Variants in CASP8 observed in about 807,000 individuals in gnomAD.
The protein encoded by CASP8 is caspase 8.
In CASP8, 24 loss-of-function variants were observed where a neutral mutation model predicts 46.3. The ratio of observed to expected loss-of-function variants is 0.52; its 90% confidence interval spans 0.38 to 0.73. CASP8 has a LOEUF of 0.73. CASP8 is among the 30% of genes least tolerant of loss of function. The pLI, the probability that CASP8 is intolerant of heterozygous loss-of-function variation, is 0.00. For missense variants in CASP8, 460 were observed against 559.0 expected (o/e 0.82, Z 1.79); for synonymous variants, 188 against 200.4 (o/e 0.94, Z 0.52).
chr2:201,282,968 G>T (rs781171499), intron 7 of CASP8, among the ~76,000 whole-genome samples: 1 of 68,308 alleles, frequency 1.5e-5, no homozygotes, highest in Non-Finnish European at 3.7e-5. Flanking sequence ...CCTCCCTCCC[G>T]GACGGGGCGG....
chr2:201,278,540 CT>C (rs768024144), intron 7 of CASP8, among the ~76,000 whole-genome samples: 312 of 143,064 alleles, frequency 2.2e-3, no homozygotes, highest in African/African-American at 2.1e-3. Context: ...TGTATTTTTT[CT>C]TTTTTTTTTT....
intron 2 of CASP8, among the ~76,000 whole-genome samples, chr2:201,270,010 G>T (rs1413600120): frequency 2.0e-5 from 3 of 152,066 alleles, no homozygotes; most frequent in Non-Finnish European, 4.4e-5. Flanking sequence ...TAAGGCAGAT[G>T]GTAATACTGA....
At chr2:201,268,909 TTGTGTGTGTGTGTGTGTGTGTG>T (rs58087434) in intron 2 of CASP8, among the ~76,000 whole-genome samples, 1 of 131,534 alleles carries the variant, frequency 7.6e-6, no homozygotes, top group African/African-American at 2.8e-5. Flanking sequence ...GGCCTCATCT[TTGTGTGTGTGTGTGTGTGTGTG>T]TGTGTGTGTG....
chr2:201,241,536 G>A (rs574305688), intron 2 of CASP8: 3 of 152,336 alleles, frequency 2.0e-5, no homozygotes, highest in Admixed American at 6.5e-5. Context: ...TATAACTAAT[G>A]TGGAGGTTTA....
intron 1 of CASP8, among the ~76,000 whole-genome samples, chr2:201,263,992 T>G (rs1197109008): frequency 6.6e-6 from 1 of 152,274 alleles, no homozygotes; most frequent in African/African-American, 2.4e-5. Context: ...CACATCTGTG[T>G]GTAATTCTGC....
intron 7 of CASP8, among the ~76,000 whole-genome samples, chr2:201,278,533 A>AATTTTTCT (rs1948792104): frequency 6.7e-6 from 1 of 149,428 alleles, no homozygotes. Context: ...GCTAGACTGT[A>AATTTTTCT]TTTTTTCTTT....
chr2:201,239,341 C>T (rs983294376), intron 2 of CASP8, among the ~76,000 whole-genome samples: 29 of 151,892 alleles, frequency 1.9e-4, no homozygotes, highest in African/African-American at 5.1e-4. Context: ...CCAGTAGGGG[C>T]GGCCGGGCAG....
chr2:201,285,359 T>G (rs746547222), intron 8 of CASP8, 42 bp downstream of exon 8: 10 of 1,606,150 alleles, frequency 6.2e-6, no homozygotes, highest in Admixed American at 3.3e-5. Flanking sequence ...TTACACTACC[T>G]TCCCCCCCTA....
At chr2:201,245,700 G>C (rs1946482190) in intron 2 of CASP8, among the ~76,000 whole-genome samples, 1 of 152,206 alleles carries the variant, frequency 6.6e-6, no homozygotes, top group South Asian at 2.1e-4. Context: ...GTAGGTTCCA[G>C]GCAGCTCCTG....
intron 2 of CASP8, 68 bp from the exon 3 acceptor site, chr2:201,271,448 G>T: frequency 1.1e-6 from 1 of 945,528 alleles, no homozygotes. Context: ...AGCCCACTGT[G>T]ACTCCATATA....
intron 2 of CASP8, among the ~76,000 whole-genome samples, chr2:201,240,096 A>T (rs1250136412): frequency 6.6e-6 from 1 of 152,188 alleles, no homozygotes. Flanking sequence ...CCTAGATGTG[A>T]ATCCCTCATA....
chr2:201,286,811 G>A lies in CASP8; in HGVS notation c.*217G>A. ...TTTAAAAATATTTTTAGTAGAGACA[G>A]GGTTTCACTGTGTTAGCCAGGGTGG... On this transcript the variant is annotated 3_prime_UTR_variant, in exon 9 of 9. Coordinates refer to ENST00000673742, the MANE Select transcript of CASP8 (RefSeq NM_001372051.1). 1 of 444,856 alleles carries A rather than the reference G, an allele frequency of 2.2e-6. No individual in the cohort carries two copies. 27.6% of individuals were successfully genotyped at this position (444,856 alleles called of 1,614,324 possible).
intron 2 of CASP8, among the ~76,000 whole-genome samples, chr2:201,237,202 C>A (rs1946090288): frequency 6.6e-6 from 1 of 150,718 alleles, no homozygotes; most frequent in African/African-American, 2.4e-5. Context: ...AAGATTCTCC[C>A]ACCTCAGCCT....
At chr2:201,267,421 G>T (rs1947901834) in intron 2 of CASP8, among the ~76,000 whole-genome samples, 1 of 152,132 alleles carries the variant, frequency 6.6e-6, no homozygotes, top group African/African-American at 2.4e-5. Flanking sequence ...TAAGCCGCTG[G>T]CCTGGCACAT....
intron 7 of CASP8, among the ~76,000 whole-genome samples, 195 bp from the exon 8 acceptor site, chr2:201,284,621 G>T (rs1207197102): frequency 5.0e-5 from 1 of 20,024 alleles, no homozygotes; most frequent in Non-Finnish European, 1.6e-4. Context: ...AGCCGAGATG[G>T]CAGCAGTACC....
In CASP8 at chr2:201,237,085, A is replaced by ATTTTTTTT. The variant is rs34775964; in HGVS notation, c.-27+2989_-27+2996dup. 5.7e-4 allele frequency among the ~76,000 whole-genome samples: 50 copies of ATTTTTTTT among 88,086 alleles called. 1 individual carries two copies. Among genetic ancestry groups the ATTTTTTTT allele is most frequent in the Middle Eastern group, 8.6e-3 (1 of 116 alleles). 57.8% of individuals were successfully genotyped at this position (88,086 alleles called of 152,430 possible). On this transcript the variant is annotated intron_variant, in intron 2 of 6. Coordinates refer to the CASP8 transcript ENST00000264274. ...CTTTTCCCCAGTATGACCCCTTTCT[A>ATTTTTTTT]TTTTTTTTTTTTTTTTTTTTTTTGA...
At chr2:201,281,769 G>C in intron 7 of CASP8, 3 of 1,053,226 alleles carry the variant, frequency 2.8e-6, no homozygotes, top group South Asian at 2.7e-5. Flanking sequence ...TACCCATCTT[G>C]TAAACTAGTT....
At chr2:201,253,296 T>TTA (rs1946869124) in intron 2 of CASP8, among the ~76,000 whole-genome samples, 1 of 78,068 alleles carries the variant, frequency 1.3e-5, no homozygotes, top group Admixed American at 9.8e-5. Flanking sequence ...GCCTGATCTT[T>TTA]TTTTTTTTTT....
chr2:201,265,390 A>C (rs72556523), intron 1 of CASP8, among the ~76,000 whole-genome samples: 58 of 151,754 alleles, frequency 3.8e-4, no homozygotes, highest in Middle Eastern at 6.8e-3. Flanking sequence ...AAAAAAAAAA[A>C]ACGAAAACTA....
Sources: allele counts gnomAD v4.1 joint callset (sites outside exome capture counted in the v4.1 genomes callset), GRCh38; gene constraint gnomAD v4.1.1; transcripts MANE v1.5; gene names NCBI Gene and HGNC (gene_info 2026-07-23, HGNC 2026-07-21).